The following LIN28B variants were observed in gnomAD, a reference collection of about 807,000 sequenced individuals.
LIN28B encodes lin-28 RNA binding posttranscriptional regulator B, also known as protein lin-28 homolog B.
A neutral mutation model predicts 21.9 loss-of-function variants in LIN28B; 5 were observed. The ratio of observed to expected loss-of-function variants is 0.23; its 90% CI spans 0.12 to 0.48. The LOEUF (loss-of-function observed/expected upper bound fraction) is 0.48, where lower values mean the gene tolerates loss of function less well. LIN28B is among the 20% of genes least tolerant of loss of function. The pLI, the probability that LIN28B is intolerant of heterozygous loss-of-function variation, is 0.98. For missense variants in LIN28B, 245 were observed against 310.5 expected (o/e 0.79, Z 1.58); for synonymous variants, 109 against 111.3 (o/e 0.98, Z 0.13).
intron 3 of LIN28B, among the ~76,000 whole-genome samples, chr6:105,043,560 ACTT>A: frequency 6.7e-6 from 1 of 149,880 alleles, no homozygotes; most frequent in Non-Finnish European, 1.5e-5. Context: ...TACTTAAAAA[ACTT>A]CTTTTGTTGA....
intron 2 of LIN28B, among the ~76,000 whole-genome samples, chr6:104,973,110 C>CAAAAA (rs574004784): frequency 1.9e-5 from 2 of 105,882 alleles, no homozygotes; most frequent in Non-Finnish European, 4.0e-5. Flanking sequence ...CACTCTGTCT[C>CAAAAA]AAAAAAAAAA....
upstream of LIN28B, chr6:104,957,000 G>C (rs938189960): frequency 1.7e-6 from 2 of 1,158,310 alleles, no homozygotes; most frequent in Non-Finnish European, 2.3e-6. Context: ...TCTTCCTCTT[G>C]CCAGCCCCTT....
At chr6:105,003,655 G>A (rs1196251508) in intron 2 of LIN28B, among the ~76,000 whole-genome samples, 1 of 152,016 alleles carries the variant, frequency 6.6e-6, no homozygotes, top group Non-Finnish European at 1.5e-5. Context: ...TGGGACTACA[G>A]GGGTGCGCCA....
chr6:104,938,021 C>G (rs1439266664), intron 2 of LIN28B, among the ~76,000 whole-genome samples: 1 of 117,712 alleles, frequency 8.5e-6, no homozygotes, highest in Non-Finnish European at 1.6e-5. Context: ...TGAGAATAGC[C>G]TGGGCAACAG....
chr6:105,076,200 A>G lies in LIN28B; in HGVS notation c.384-2214A>G, dbSNP rs769492491. Among the ~76,000 whole-genome samples, 31 of 152,192 alleles carry G rather than the reference A, an allele frequency of 2.0e-4. 2 individuals carry two copies. Among genetic ancestry groups the G allele is most frequent in the Non-Finnish European group, 2.9e-5 (2 of 68,028 alleles). On this transcript the variant is annotated intron_variant, in intron 3 of 3. Coordinates refer to ENST00000345080, the MANE Select transcript of LIN28B (RefSeq NM_001004317.4). ...ATTAAGATATGTAATTATACAATGAATAATTTAACTACAACATGTGATTTC... is the reference window on the plus strand; with the variant it reads ...ATTAAGATATGTAATTATACAATGAGTAATTTAACTACAACATGTGATTTC...
chr6:105,077,692 C>T (rs1036550305), intron 3 of LIN28B, among the ~76,000 whole-genome samples: 4 of 152,130 alleles, frequency 2.6e-5, no homozygotes, highest in African/African-American at 4.8e-5. Flanking sequence ...CTAGCATGAA[C>T]CTTTATTAAT....
intron 3 of LIN28B, among the ~76,000 whole-genome samples, chr6:105,056,298 T>G (rs188755143): frequency 5.9e-5 from 9 of 151,968 alleles, no homozygotes; most frequent in Non-Finnish European, 8.8e-5. Flanking sequence ...GCTGATAGAT[T>G]GTAGGGAGTC....
At chr6:105,041,695 A>G (rs79887397) in intron 3 of LIN28B, among the ~76,000 whole-genome samples, 13 of 152,294 alleles carry the variant, frequency 8.5e-5, no homozygotes, top group African/African-American at 2.9e-4. Context: ...CATGGCTGAA[A>G]GTAGTTGTTC....
intron 2 of LIN28B, among the ~76,000 whole-genome samples, chr6:104,946,475 TC>T (rs893739166): frequency 3.3e-5 from 5 of 152,164 alleles, no homozygotes; most frequent in African/African-American, 1.2e-4. Context: ...TATTAAATGT[TC>T]GTTTAAAGGA....
chr6:104,937,792 G>T (rs562139979), intron 2 of LIN28B, among the ~76,000 whole-genome samples: 2 of 151,928 alleles, frequency 1.3e-5, no homozygotes, highest in Non-Finnish European at 2.9e-5. Context: ...TATAATCAGG[G>T]TGCATTCAGA....
At position 105,042,319 on chromosome 6, in the gene LIN28B, C is replaced by T. The variant is rs73521948; in HGVS notation, c.383+15837C>T. ...TACTGTTTTTCAAGAAGACAATGAG[C>T]TTGTACTATAATCTAAGTTGATATA... On this transcript the variant is annotated intron_variant, in intron 3 of 3. Coordinates refer to ENST00000345080, the MANE Select transcript of LIN28B (RefSeq NM_001004317.4). 7.3e-3 allele frequency among the ~76,000 whole-genome samples: 1,116 copies of T among 152,258 alleles called. 15 individuals carry two copies. Among genetic ancestry groups the T allele is most frequent in the African/African-American group, 0.026 (1,069 of 41,558 alleles).
intron 2 of LIN28B, among the ~76,000 whole-genome samples, chr6:104,991,965 G>A (rs314282): frequency 0.38 from 57,398 of 150,434 alleles, 13,075 homozygotes; most frequent in East Asian, 0.55. Context: ...CAGCAGTACA[G>A]TCCAGCTTTG....
rs184474688 is a variant in LIN28B, at chr6:105,056,794, C to A, written c.384-21620C>A. On this transcript the variant is annotated intron_variant, in intron 3 of 3. Coordinates refer to ENST00000345080, the MANE Select transcript of LIN28B (RefSeq NM_001004317.4). ...AGAAACTCTGAGCTGAAATTTATGC[C>A]TTTATGGCTCACTGAGATCCTGCTG... Among the ~76,000 whole-genome samples, 3 of 152,216 alleles carry A rather than the reference C, an allele frequency of 2.0e-5. No homozygotes were observed. In the East Asian group the frequency reaches 5.8e-4, roughly 29 times the overall value.
At chr6:105,046,079 C>G (rs1771753726) in intron 3 of LIN28B, among the ~76,000 whole-genome samples, 1 of 152,110 alleles carries the variant, frequency 6.6e-6, no homozygotes, top group South Asian at 2.1e-4. Context: ...AGGTTTGTTA[C>G]ATATGTATAC....
intron 3 of LIN28B, among the ~76,000 whole-genome samples, chr6:105,034,476 G>A (rs1406682959): frequency 6.6e-6 from 1 of 151,954 alleles, no homozygotes; most frequent in Non-Finnish European, 1.5e-5. Flanking sequence ...GATGTTTGAT[G>A]TTACTACTTT....
In LIN28B at chr6:105,048,886, G is replaced by A. The variant is rs982839714; in HGVS notation, c.383+22404G>A. ...TATCCCCTGTATCATTTTTTATTGC[G>A]TCTATTTGATTCTTCTCTCTTTTCT... On this transcript the variant is annotated intron_variant, in intron 3 of 3. Transcript: ENST00000345080. Among the ~76,000 whole-genome samples the A allele has an allele frequency of 5.3e-5, 8 of 152,030 alleles. No homozygotes were observed. In the South Asian group the frequency reaches 6.2e-4, roughly 12 times the overall value.
intron 2 of LIN28B, among the ~76,000 whole-genome samples, chr6:105,002,223 T>C (rs1289573550): frequency 6.6e-6 from 1 of 151,650 alleles, no homozygotes; most frequent in Non-Finnish European, 1.5e-5. Context: ...TTACCCAACT[T>C]TGCATTAGCC....
chr6:104,961,609 C>T (rs778086764), intron 2 of LIN28B, among the ~76,000 whole-genome samples: 2 of 152,066 alleles, frequency 1.3e-5, no homozygotes, highest in Non-Finnish European at 2.9e-5. Context: ...ACTATGTTGG[C>T]CAGGCTAGTC....
intron 2 of LIN28B, among the ~76,000 whole-genome samples, chr6:104,988,912 C>T (rs1246304428): frequency 6.6e-6 from 1 of 152,098 alleles, no homozygotes; most frequent in Non-Finnish European, 1.5e-5. Context: ...CCATGTCAAC[C>T]TTTGCAAGTT....
Sources: allele counts gnomAD v4.1 joint callset (sites outside exome capture counted in the v4.1 genomes callset), GRCh38; gene constraint gnomAD v4.1.1; transcripts MANE v1.5; gene names NCBI Gene and HGNC (gene_info 2026-07-23, HGNC 2026-07-21).